SEM1: variants seen among roughly 807,000 people sequenced by gnomAD.
The protein encoded by SEM1 is 26S proteasome complex subunit SEM1.
In SEM1, 3 loss-of-function variants were observed where a neutral mutation model predicts 12.7. That is an observed-to-expected ratio of 0.24 (90% CI 0.11 to 0.61). SEM1 has a LOEUF of 0.61. SEM1 is among the 20% of genes least tolerant of loss of function. The pLI, the probability that SEM1 is intolerant of heterozygous loss-of-function variation, is 0.88. For synonymous variants in SEM1, 30 were observed against 27.8 expected, an observed-to-expected ratio of 1.08 and a Z score of -0.25; for missense variants, 59 against 81.3, an observed-to-expected ratio of 0.73 and a Z score of 1.06.
chr7:96,557,858 GA>G (rs1415875753), intron 2 of SEM1, among the ~76,000 whole-genome samples: 9 of 152,166 alleles, frequency 5.9e-5, no homozygotes, highest in Non-Finnish European at 1.2e-4. Context: ...GTGGGCGTAG[GA>G]CCCTCCGAGC....
At chr7:96,644,701 G>A (rs62470369) in intron 2 of SEM1, among the ~76,000 whole-genome samples, 9,418 of 152,222 alleles carry the variant, frequency 0.062, 438 homozygotes, top group Non-Finnish European at 0.099. Flanking sequence ...GCAGTGTGAC[G>A]TGGAGCACTC....
At chr7:96,551,293 T>C (rs1805262069) in intron 2 of SEM1, among the ~76,000 whole-genome samples, 1 of 152,196 alleles carries the variant, frequency 6.6e-6, no homozygotes, top group African/African-American at 2.4e-5. Flanking sequence ...ACCCGAGACC[T>C]TGAATGTGAC....
chr7:96,506,414 AT>A (rs1454675765), intron 3 of SEM1, among the ~76,000 whole-genome samples: 1 of 152,166 alleles, frequency 6.6e-6, no homozygotes, highest in African/African-American at 2.4e-5. Context: ...CTGTGATGTA[AT>A]TAAAATATTA....
rs535335194 is a variant in SEM1 at position 96,640,925 on chromosome 7, A to G, written c.171-18282T>C. 1.3e-5 allele frequency among the ~76,000 whole-genome samples: 2 copies of G among 152,124 alleles called. No homozygotes were observed. The highest frequency in any genetic ancestry group is 2.1e-4 in the South Asian group (1 of 4,830). On this transcript the variant is annotated intron_variant, in intron 2 of 2. Transcript: ENST00000417009. This position sits in a 1 kb window ranked among gnomAD's most constrained non-coding sequence, Gnocchi z 4.0. ...AATATGGTTTCTTTACAAAAAACTT[A>G]GAGTAATCTCACACTTGAAGGTTTG...
intron 2 of SEM1, among the ~76,000 whole-genome samples, chr7:96,664,916 A>G (rs1196682336): frequency 6.6e-6 from 1 of 152,122 alleles, no homozygotes; most frequent in East Asian, 2.0e-4. Flanking sequence ...AACACCCACA[A>G]AGTTAAGTAG....
rs115819143 is a variant in SEM1 at position 96,615,982 on chromosome 7, T to G, written c.170+78816A>C. Among the ~76,000 whole-genome samples, 1,393 of 152,342 alleles carry G rather than the reference T, an allele frequency of 9.1e-3. 21 individuals are homozygous for G. Among genetic ancestry groups the G allele is most frequent in the African/African-American group, 0.032 (1,312 of 41,574 alleles). ...TTAGGTTGATTTGATATCTTTACTA[T>G]CGAAAATAGTACTGTGATAGACATA... is the stretch of plus-strand genomic sequence containing the variant. On this transcript the variant is annotated intron_variant and NMD_transcript_variant, in intron 2 of 3. Coordinates refer to the SEM1 transcript ENST00000466986.
At chr7:96,585,285 G>GC (rs1211329266) in intron 2 of SEM1, among the ~76,000 whole-genome samples, 1 of 152,206 alleles carries the variant, frequency 6.6e-6, no homozygotes, top group African/African-American at 2.4e-5. Context: ...CTGCTCAGGG[G>GC]TCAGGGGTCA....
chr7:96,639,661 G>T (rs996727312), intron 2 of SEM1, among the ~76,000 whole-genome samples: 30 of 151,828 alleles, frequency 2.0e-4, no homozygotes, highest in Admixed American at 1.7e-3. Flanking sequence ...ATGACTTTGG[G>T]TTTGGTAATG....
At chr7:96,505,375 A>G (rs891698513) in intron 3 of SEM1, among the ~76,000 whole-genome samples, 2 of 152,102 alleles carry the variant, frequency 1.3e-5, no homozygotes, top group Non-Finnish European at 2.9e-5. Context: ...GAGTTTTGGG[A>G]CTACAGGTGT....
At chr7:96,675,325 T>C (rs1298679465) in intron 2 of SEM1, among the ~76,000 whole-genome samples, 1 of 152,122 alleles carries the variant, frequency 6.6e-6, no homozygotes. Flanking sequence ...TTCCTTCCTT[T>C]ACAGGCCATC....
chr7:96,704,185 A>C (rs966447098), intron 1 of SEM1, among the ~76,000 whole-genome samples: 1 of 152,058 alleles, frequency 6.6e-6, no homozygotes, highest in African/African-American at 2.4e-5. Flanking sequence ...TATATATCGT[A>C]TGTCTTCTGT....
intron 2 of SEM1, among the ~76,000 whole-genome samples, chr7:96,560,759 A>C (rs1805667475): frequency 6.6e-6 from 1 of 151,544 alleles, no homozygotes. Context: ...CTTATATTTA[A>C]ATTGTTAACC....
intron 2 of SEM1, among the ~76,000 whole-genome samples, chr7:96,542,922 C>A (rs1340453640): frequency 1.3e-5 from 2 of 151,872 alleles, no homozygotes; most frequent in Non-Finnish European, 2.9e-5. Context: ...GGCAAAATTA[C>A]CCTACAATGT....
intron 2 of SEM1, among the ~76,000 whole-genome samples, chr7:96,572,628 T>A (rs76540011): frequency 0.038 from 5,763 of 152,316 alleles, 349 homozygotes; most frequent in African/African-American, 0.13. Context: ...CTAATTTGAT[T>A]GCACTGTGGT....
intron 2 of SEM1, among the ~76,000 whole-genome samples, chr7:96,539,698 G>T (rs1804890609): frequency 6.6e-6 from 1 of 151,760 alleles, no homozygotes; most frequent in Admixed American, 6.6e-5. Context: ...CCAGAAATAA[G>T]CCTCCTGGGG....
chr7:96,514,926 A>G (rs1159092677), intron 2 of SEM1, among the ~76,000 whole-genome samples: 1 of 152,116 alleles, frequency 6.6e-6, no homozygotes, highest in African/African-American at 2.4e-5. Context: ...TTTATATGGA[A>G]AGGCAAAAAG....
At chr7:96,691,084 T>TA (rs751544307) in intron 2 of SEM1, among the ~76,000 whole-genome samples, 4 of 152,166 alleles carry the variant, frequency 2.6e-5, no homozygotes, top group Admixed American at 6.5e-5. Flanking sequence ...ACTGGCTTCT[T>TA]AGAGTTTTTA....
intron 2 of SEM1, among the ~76,000 whole-genome samples, chr7:96,514,492 T>C (rs11768577): frequency 6.6e-6 from 1 of 150,948 alleles, no homozygotes; most frequent in South Asian, 2.1e-4. Flanking sequence ...TCTTCACAGA[T>C]GACATGATTG....
At chr7:96,698,675 T>C (rs953017129) in intron 1 of SEM1, among the ~76,000 whole-genome samples, 3 of 152,182 alleles carry the variant, frequency 2.0e-5, no homozygotes, top group Admixed American at 6.5e-5. Context: ...CTGATGGCCA[T>C]TGGGATCGGT....
Sources: gnomAD v4.1 joint callset for allele counts (sites outside exome capture counted in the v4.1 genomes callset) on GRCh38, gnomAD v4.1.1 for gene constraint, Gnocchi (gnomAD v3.1) non-coding constraint, MANE v1.5 for transcripts, NCBI Gene and HGNC (gene_info 2026-07-23, HGNC 2026-07-21) for gene names.